The following SHF variants were observed in gnomAD, a reference collection of about 807,000 sequenced individuals.
SHF encodes SH2 domain-containing adapter protein F.
A neutral mutation model predicts 42.4 loss-of-function variants in SHF; 30 were observed. The observed-to-expected ratio is 0.71, with a 90% CI of 0.53 to 0.96. SHF has a LOEUF of 0.96. Among genes scored for constraint, SHF ranks in the 40% least tolerant of loss-of-function variants. The pLI is 0.00. For synonymous variants in SHF, 264 were observed against 269.9 expected, an observed-to-expected ratio of 0.98 and a Z score of 0.21; for missense variants, 598 against 634.0, an observed-to-expected ratio of 0.94 and a Z score of 0.61.
At chr15:45,169,539 G>T (rs955247080) in intron 6 of SHF, among the ~76,000 whole-genome samples, 2 of 152,218 alleles carry the variant, frequency 1.3e-5, no homozygotes, top group Non-Finnish European at 1.5e-5. Context: ...GTGGTGGAGA[G>T]GGGAGGCAGT....
At chr15:45,187,337 G>C (rs531546345) in intron 1 of SHF, 117 bp downstream of exon 1, 2 of 1,036,066 alleles carry the variant, frequency 1.9e-6, no homozygotes, top group South Asian at 1.0e-4. Flanking sequence ...AGGGGCTCGC[G>C]TCTGCCAGAA....
At chr15:45,182,533 C>T (rs79358301) in intron 1 of SHF, among the ~76,000 whole-genome samples, 1,796 of 152,298 alleles carry the variant, frequency 0.012, 34 homozygotes, top group African/African-American at 0.041. Context: ...CCAGGGTATG[C>T]AGCTTGTCAG....
chr15:45,183,150 C>T (rs925892273), intron 1 of SHF, among the ~76,000 whole-genome samples: 13 of 152,232 alleles, frequency 8.5e-5, no homozygotes, highest in Non-Finnish European at 7.3e-5. Context: ...TACCTCTTCT[C>T]TGCCAGGCAC....
At chr15:45,194,551 C>T (rs1898808790) in intron 2 of SHF, among the ~76,000 whole-genome samples, 1 of 152,058 alleles carries the variant, frequency 6.6e-6, no homozygotes, top group Admixed American at 6.6e-5. Flanking sequence ...AGGGTTTCAC[C>T]ATGTTGGCCA....
At chr15:45,174,191 G>T (rs1897673644) in intron 3 of SHF, 2 of 189,958 alleles carry the variant, frequency 1.1e-5, no homozygotes, top group Non-Finnish European at 2.2e-5. Context: ...CTCGCCTCAG[G>T]TTGTCAGGAT....
chr15:45,180,410 T>A (rs2141384456), intron 1 of SHF, among the ~76,000 whole-genome samples: 1 of 152,292 alleles, frequency 6.6e-6, no homozygotes, highest in East Asian at 1.9e-4. Context: ...ATTCTGTCAG[T>A]CGGCAGCCAG....
Position 45,178,145 on chromosome 15 carries a change from C to G in SHF, c.640+20G>C, listed in dbSNP as rs1897923637. 6.2e-7 allele frequency: 1 copy of G among 1,609,512 alleles called. No homozygotes were observed. The highest frequency in any genetic ancestry group is 8.5e-7 in the Non-Finnish European group (1 of 1,178,782). On this transcript the variant is annotated intron_variant, in intron 2 of 6. Transcript: ENST00000690270. ...AGAGCCCAGGCCTCAGGGAGCACCT[C>G]CCCTGCCCCTGTCACTCACCGGCCA...
At chr15:45,188,239 C>T (rs1898580524), upstream of SHF, among the ~76,000 whole-genome samples, 1 of 152,154 alleles carries the variant, frequency 6.6e-6, no homozygotes, top group Admixed American at 6.5e-5. Context: ...CACGCGGTCC[C>T]CTGTGGGGAG....
At chr15:45,173,766 G>C in intron 3 of SHF, 50 bp from the exon 4 acceptor site, 1 of 1,543,412 alleles carries the variant, frequency 6.5e-7, no homozygotes. Context: ...GACAGAGACA[G>C]AAAGAGGTAG....
intron 2 of SHF, among the ~76,000 whole-genome samples, chr15:45,193,961 G>A (rs1898787245): frequency 1.3e-5 from 2 of 151,840 alleles, no homozygotes; most frequent in African/African-American, 2.4e-5. Flanking sequence ...AATTAGCCAG[G>A]TGTGGTGGTG....
Position 45,175,227 on chromosome 15 carries a change from G to A in SHF, c.839C>T (p.Ala280Val). 1 of 1,609,342 alleles carries A rather than the reference G, an allele frequency of 6.2e-7. No individual in the cohort carries two copies. The highest frequency in any genetic ancestry group is 8.5e-7 in the Non-Finnish European group (1 of 1,178,646). Residue 280 changes from alanine (A) to valine (V), a missense_variant, in exon 3 of 7, where the codon GCC (alanine) becomes GTC (valine). Physicochemically the swap from Ala to Val is moderately conservative, Grantham distance 64. Transcript: ENST00000690270. ...TCTCCACCAGGACTCACCTGCAAAG[G>A]CTTTGGAAATCCGCTCCTTCTTCCA... is the stretch of plus-strand genomic sequence containing the variant. ...WEWKKERISK[A>V]FAVDIKVIKD...
At position 45,181,858 on chromosome 15, in the gene SHF, A is replaced by G. The variant is rs8025759; in HGVS notation, c.499-3552T>C. Among the ~76,000 whole-genome samples the G allele has an allele frequency of 4.1e-3, 630 of 152,312 alleles. 4 individuals are homozygous for G. The highest frequency in any genetic ancestry group is 0.015 in the African/African-American group (608 of 41,576). ...TTTCAAAACTTAAAAATAAATAAATAAATAAAAAATAAAACCACGGCTGGT... is the reference window on the plus strand; with the variant it reads ...TTTCAAAACTTAAAAATAAATAAATGAATAAAAAATAAAACCACGGCTGGT... On this transcript the variant is annotated intron_variant, in intron 1 of 6. Transcript: ENST00000690270.
upstream of SHF, among the ~76,000 whole-genome samples, chr15:45,190,088 G>A (rs1375171290): frequency 6.6e-6 from 1 of 152,174 alleles, no homozygotes; most frequent in Non-Finnish European, 1.5e-5. Context: ...GTAAGTTACA[G>A]ATTCTGACTC....
intron 6 of SHF, chr15:45,170,402 T>A: frequency 1.6e-6 from 2 of 1,288,912 alleles, no homozygotes; most frequent in Non-Finnish European, 2.0e-6. Flanking sequence ...TTTCTGAGGT[T>A]ATGTAAATCA....
At chr15:45,200,505 C>G (rs966051386) in intron 1 of SHF, 3 of 354,250 alleles carry the variant, frequency 8.5e-6, no homozygotes, top group East Asian at 7.3e-5. Flanking sequence ...GGACACAGGA[C>G]CTCGGCTTGT....
At position 45,171,872 on chromosome 15, in the gene SHF, T is replaced by C; in HGVS notation, c.1280+11A>G. On this transcript the variant is annotated intron_variant, in intron 6 of 6. Coordinates refer to ENST00000690270, the MANE Select transcript of SHF (RefSeq NM_001394037.1). ...CTTGCTGTCCCTGAAACCACAACTGTCCCCACTCACTTGAGGGAGAGGGAG... is the reference window on the plus strand; with the variant it reads ...CTTGCTGTCCCTGAAACCACAACTGCCCCCACTCACTTGAGGGAGAGGGAG... 6.2e-7 allele frequency: 1 copy of C among 1,611,676 alleles called. No homozygotes were observed. Among genetic ancestry groups the C allele is most frequent in the Non-Finnish European group, 8.5e-7 (1 of 1,178,978 alleles).
At chr15:45,190,667 T>G (rs1898688084), upstream of SHF, among the ~76,000 whole-genome samples, 1 of 151,876 alleles carries the variant, frequency 6.6e-6, no homozygotes, top group African/African-American at 2.4e-5. Context: ...TTTGGACAGA[T>G]GAAGCAAAGG....
chr15:45,189,073 G>A (rs1454935351), upstream of SHF, among the ~76,000 whole-genome samples: 9 of 151,668 alleles, frequency 5.9e-5, no homozygotes, highest in Admixed American at 3.9e-4. Context: ...GGCACCTGTA[G>A]TCCCAGCTAC....
chr15:45,176,728 C>T (rs1373719542), intron 2 of SHF, among the ~76,000 whole-genome samples: 7 of 152,090 alleles, frequency 4.6e-5, no homozygotes, highest in African/African-American at 1.4e-4. Context: ...ATCACTGACC[C>T]CAGTGAAAAT....
Sources: gnomAD v4.1 joint callset for allele counts (sites outside exome capture counted in the v4.1 genomes callset) on GRCh38, gnomAD v4.1.1 for gene constraint, MANE v1.5 for transcripts, NCBI Gene and HGNC (gene_info 2026-07-23, HGNC 2026-07-21) for gene names.